The following RPTOR variants were observed in gnomAD, a reference collection of about 807,000 sequenced individuals.
RPTOR encodes regulatory-associated protein of mTOR.
Under a neutral mutation model 169.9 loss-of-function variants are expected in RPTOR, and 21 were observed. That is an observed-to-expected ratio of 0.12 (90% confidence interval 0.09 to 0.18). RPTOR has a LOEUF of 0.18. Ranked by LOEUF, RPTOR falls within the 10% of genes least tolerant of loss-of-function variation. The pLI, the probability that RPTOR is intolerant of heterozygous loss-of-function variation, is 1.00. For missense variants in RPTOR, 1,133 were observed against 1,855.9 expected, an observed-to-expected ratio of 0.61 and a Z score of 7.16; for synonymous variants, 732 against 753.2, an observed-to-expected ratio of 0.97 and a Z score of 0.46.
chr17:80,690,145 A>T (rs1330728827), intron 3 of RPTOR, among the ~76,000 whole-genome samples: 1 of 151,988 alleles, frequency 6.6e-6, no homozygotes, highest in Non-Finnish European at 1.5e-5. Context: ...ACATATACCC[A>T]TCATCTATCT....
At position 80,876,218 on chromosome 17, in the gene RPTOR, C is replaced by T. The variant is rs569598202; in HGVS notation, c.1510-4197C>T. Among the ~76,000 whole-genome samples, 159 of 95,956 alleles carry T rather than the reference C, an allele frequency of 1.7e-3. 15 individuals carry two copies. The highest frequency in any genetic ancestry group is 7.5e-3 in the African/African-American group (149 of 19,746). The allele number at this position is 95,956 out of a possible 152,430, so 63.0% of individuals were successfully genotyped here. On this transcript the variant is annotated intron_variant, in intron 13 of 33. Transcript: ENST00000306801. ...CCGTGTCTTCCCACCGAACCCGTGC[C>T]ACGCAGGGTGTGTGTGTCGCCTGCC... is the stretch of plus-strand genomic sequence containing the variant.
chr17:80,592,144 C>T (rs1368649814), intron 1 of RPTOR, among the ~76,000 whole-genome samples: 2 of 152,090 alleles, frequency 1.3e-5, no homozygotes, highest in Non-Finnish European at 2.9e-5. Flanking sequence ...TAGGCTGGAG[C>T]GAGTGTGGCC....
At chr17:80,692,611 G>A (rs11658456) in intron 3 of RPTOR, among the ~76,000 whole-genome samples, 2 of 151,900 alleles carry the variant, frequency 1.3e-5, no homozygotes, top group East Asian at 1.9e-4. Flanking sequence ...GTGAGCCACC[G>A]TGCCTGGCCT....
intron 21 of RPTOR, among the ~76,000 whole-genome samples, chr17:80,920,231 G>A (rs2068728744): frequency 1.3e-5 from 2 of 152,176 alleles, no homozygotes. Context: ...TGAGGGACAC[G>A]CTACTCATGT....
At chr17:80,904,857 A>G (rs2068520828) in intron 20 of RPTOR, among the ~76,000 whole-genome samples, 1 of 152,222 alleles carries the variant, frequency 6.6e-6, no homozygotes, top group Non-Finnish European at 1.5e-5. Flanking sequence ...ACAGCGTCAT[A>G]CTTTTTACTA....
chr17:80,594,169 C>G (rs191663843), intron 1 of RPTOR, among the ~76,000 whole-genome samples: 3 of 152,280 alleles, frequency 2.0e-5, no homozygotes, highest in Admixed American at 2.0e-4. Context: ...TCTCGGCTCA[C>G]CACAACCTCT....
Position 80,959,960 on chromosome 17 carries a change from C to A in RPTOR, c.3478-118C>A. On this transcript the variant is annotated intron_variant, in intron 29 of 33. Transcript: ENST00000306801. This position sits in a 1 kb window ranked among gnomAD's most constrained non-coding sequence, Gnocchi z 6.7. Reference sequence around the variant, plus strand: ...TGGATAGAGAGAAAGGCCCCTGCAGCCAGGGAGGGTGATCCCCACAGCCAG... The same window carrying A: ...TGGATAGAGAGAAAGGCCCCTGCAGACAGGGAGGGTGATCCCCACAGCCAG... The A allele has an allele frequency of 7.8e-7, 1 of 1,283,438 alleles. No individual in the cohort carries two copies. The highest frequency in any genetic ancestry group is 1.1e-6 in the Non-Finnish European group (1 of 913,874). 79.5% of individuals were successfully genotyped at this position (1,283,438 alleles called of 1,614,324 possible).
intron 2 of RPTOR, among the ~76,000 whole-genome samples, chr17:80,634,165 T>C (rs997221815): frequency 2.6e-4 from 38 of 145,578 alleles, no homozygotes; most frequent in African/African-American, 9.0e-4. Flanking sequence ...TGTGTGTGTG[T>C]GCATACTGTG....
At chr17:80,903,872 T>C (rs1288792522) in intron 20 of RPTOR, among the ~76,000 whole-genome samples, 1 of 152,198 alleles carries the variant, frequency 6.6e-6, no homozygotes, top group Non-Finnish European at 1.5e-5. Flanking sequence ...CCAAAGGAAC[T>C]GTGTAGGTTT....
intron 21 of RPTOR, among the ~76,000 whole-genome samples, chr17:80,921,047 T>C (rs1369778249): frequency 1.3e-5 from 2 of 152,246 alleles, no homozygotes; most frequent in African/African-American, 2.4e-5. Context: ...CTATTTGCGT[T>C]TTGAAGGAAA....
intron 5 of RPTOR, among the ~76,000 whole-genome samples, chr17:80,745,487 T>C (rs894607278): frequency 1.3e-5 from 2 of 150,406 alleles, no homozygotes; most frequent in African/African-American, 4.9e-5. Context: ...TAATATTTGA[T>C]ATACATAATT....
intron 24 of RPTOR, among the ~76,000 whole-genome samples, chr17:80,935,352 G>C (rs2068942942): frequency 6.6e-6 from 1 of 152,024 alleles, no homozygotes; most frequent in South Asian, 2.1e-4. Context: ...AAATAGAGAA[G>C]TTTATTCTAA....
chr17:80,738,999 A>C (rs1284083374), intron 5 of RPTOR, among the ~76,000 whole-genome samples: 2 of 152,020 alleles, frequency 1.3e-5, no homozygotes, highest in Non-Finnish European at 2.9e-5. Context: ...TTTTGTTTCT[A>C]ATTTCATCTA....
chr17:80,687,547 G>T (rs1483312581), intron 3 of RPTOR, among the ~76,000 whole-genome samples: 1 of 152,220 alleles, frequency 6.6e-6, no homozygotes, highest in Non-Finnish European at 1.5e-5. Flanking sequence ...CCCTGCCTCT[G>T]CCCCACACCA....
chr17:80,551,472 A>G (rs1231609717), intron 1 of RPTOR, among the ~76,000 whole-genome samples: 2 of 151,976 alleles, frequency 1.3e-5, no homozygotes, highest in African/African-American at 2.4e-5. Flanking sequence ...ACACGTGAAC[A>G]AGGGTCTTTG....
At chr17:80,703,517 C>T (rs1163376898) in intron 3 of RPTOR, among the ~76,000 whole-genome samples, 3 of 152,116 alleles carry the variant, frequency 2.0e-5, no homozygotes, top group Non-Finnish European at 4.4e-5. Context: ...AGACTTGAGC[C>T]AGGAACACCC....
chr17:80,831,713 GTA>G, intron 9 of RPTOR, among the ~76,000 whole-genome samples: 1 of 152,134 alleles, frequency 6.6e-6, no homozygotes, highest in Non-Finnish European at 1.5e-5. Flanking sequence ...GTGTCACTGT[GTA>G]TCCCTGTGTG....
At chr17:80,686,637 C>G (rs1261256683) in intron 3 of RPTOR, among the ~76,000 whole-genome samples, 1 of 152,142 alleles carries the variant, frequency 6.6e-6, no homozygotes, top group African/African-American at 2.4e-5. Flanking sequence ...GTATCCATCT[C>G]TTAGAAAGGG....
intron 13 of RPTOR, among the ~76,000 whole-genome samples, chr17:80,864,998 T>C (rs1348895847): frequency 2.0e-5 from 3 of 152,196 alleles, no homozygotes; most frequent in African/African-American, 7.2e-5. Context: ...CCACAGAATG[T>C]ATAACATTTG....
Sources: allele counts gnomAD v4.1 joint callset (sites outside exome capture counted in the v4.1 genomes callset), GRCh38; gene constraint gnomAD v4.1.1; non-coding constraint Gnocchi (gnomAD v3.1); transcripts MANE v1.5; gene names NCBI Gene and HGNC (gene_info 2026-07-23, HGNC 2026-07-21).